SMARCC1: variants seen among roughly 807,000 people sequenced by gnomAD.
SMARCC1 encodes SWI/SNF complex subunit SMARCC1.
A neutral mutation model predicts 147.4 loss-of-function variants in SMARCC1; 43 were observed. The ratio of observed to expected loss-of-function variants is 0.29; its 90% CI spans 0.23 to 0.38. SMARCC1 has a LOEUF of 0.38. Ranked by LOEUF, SMARCC1 falls within the 10% of genes least tolerant of loss-of-function variation. The pLI, the probability that SMARCC1 is intolerant of heterozygous loss-of-function variation, is 1.00. For missense variants in SMARCC1, 1,119 were observed against 1,381.1 expected (o/e 0.81, Z 3.01); for synonymous variants, 495 against 484.4 (o/e 1.02, Z -0.29).
chr3:47,741,286 C>A (rs1466300525), intron 3 of SMARCC1, among the ~76,000 whole-genome samples: 1 of 151,134 alleles, frequency 6.6e-6, no homozygotes, highest in African/African-American at 2.4e-5. Context: ...GTCTGCACTG[C>A]ACCTTGTTTG....
chr3:47,704,556 C>T (rs572432923), intron 10 of SMARCC1, among the ~76,000 whole-genome samples: 11 of 152,110 alleles, frequency 7.2e-5, no homozygotes, highest in African/African-American at 1.2e-4. Flanking sequence ...GTTGACAGTG[C>T]GCTCCCTGCA....
chr3:47,630,029 C>T (rs1323855501), intron 24 of SMARCC1, among the ~76,000 whole-genome samples: 1 of 151,672 alleles, frequency 6.6e-6, no homozygotes, highest in African/African-American at 2.4e-5. Context: ...CACATATTGG[C>T]TTTATAGAGC....
chr3:47,730,416 G>C (rs1466572980), intron 5 of SMARCC1, among the ~76,000 whole-genome samples: 1 of 152,130 alleles, frequency 6.6e-6, no homozygotes, highest in Admixed American at 6.5e-5. Context: ...AAGAGTTCAA[G>C]GTTGCAGTGA....
chr3:47,675,644 A>C (rs1241441022), intron 17 of SMARCC1, 56 bp from the exon 18 acceptor site: 1 of 983,322 alleles, frequency 1.0e-6, no homozygotes, highest in Non-Finnish European at 1.6e-6. Context: ...CAAGAGGGTA[A>C]ATGTTTTTAA....
intron 2 of SMARCC1, among the ~76,000 whole-genome samples, chr3:47,763,964 T>C (rs1312695173): frequency 6.6e-6 from 1 of 151,514 alleles, no homozygotes; most frequent in Non-Finnish European, 1.5e-5. Flanking sequence ...AGGACTCCTC[T>C]AGCCTCAGCC....
chr3:47,753,527 A>G (rs1179081812), intron 2 of SMARCC1, among the ~76,000 whole-genome samples: 3 of 151,734 alleles, frequency 2.0e-5, no homozygotes, highest in Non-Finnish European at 2.9e-5. Context: ...CTGCCTGGCC[A>G]AGGTGAAACC....
rs1388196112 is a variant in SMARCC1 at position 47,706,508 on chromosome 3, CTT to C, written c.939_940del (p.Asp315Ter). On this transcript the variant is annotated frameshift_variant, in exon 10 of 28. Transcript: ENST00000254480. LOFTEE classifies it high-confidence loss of function. ...AGCATTAGCTGATGCTTTTCTATCT[CTT>C]CTTTCTGGACTTCTGACTGGCTAGG... The C allele has an allele frequency of 6.3e-7, 1 of 1,581,992 alleles. No homozygotes were observed. Among genetic ancestry groups the C allele is most frequent in the Non-Finnish European group, 8.6e-7 (1 of 1,167,542 alleles).
chr3:47,772,986 A>T, intron 1 of SMARCC1, 50 bp from the exon 2 acceptor site: 1 of 1,590,868 alleles, frequency 6.3e-7, no homozygotes, highest in Non-Finnish European at 8.6e-7. Flanking sequence ...TTTGCAGGAG[A>T]AAATGTTGGC....
At chr3:47,651,714 A>G (rs2106722555) in intron 21 of SMARCC1, among the ~76,000 whole-genome samples, 1 of 152,324 alleles carries the variant, frequency 6.6e-6, no homozygotes, top group African/African-American at 2.4e-5. Flanking sequence ...ACATCAGCCA[A>G]CATACTCTTC....
chr3:47,622,089 C>G (rs1340616341), intron 25 of SMARCC1, 118 bp downstream of exon 25: 2 of 891,958 alleles, frequency 2.2e-6, no homozygotes, highest in Non-Finnish European at 3.6e-6. Context: ...GAAAAAAGGA[C>G]AGAAGTTAGC....
chr3:47,642,697 G>C (rs779320841), intron 21 of SMARCC1, among the ~76,000 whole-genome samples: 4 of 152,118 alleles, frequency 2.6e-5, no homozygotes, highest in Non-Finnish European at 5.9e-5. Flanking sequence ...GGAAGGACTG[G>C]ATCAAGTGGT....
intron 25 of SMARCC1, among the ~76,000 whole-genome samples, chr3:47,616,286 G>A (rs564336513): frequency 6.6e-6 from 1 of 152,262 alleles, no homozygotes; most frequent in East Asian, 1.9e-4. Context: ...CCCACTGGCA[G>A]CTCAACACCC....
intron 21 of SMARCC1, among the ~76,000 whole-genome samples, chr3:47,656,534 G>C (rs552685012): frequency 3.5e-4 from 54 of 152,292 alleles, no homozygotes; most frequent in African/African-American, 1.0e-3. Flanking sequence ...CAAATCCAAT[G>C]ATGACAATGC....
At chr3:47,742,404 T>C (rs1310658111) in intron 3 of SMARCC1, among the ~76,000 whole-genome samples, 1 of 152,214 alleles carries the variant, frequency 6.6e-6, no homozygotes, top group Non-Finnish European at 1.5e-5. Flanking sequence ...TAATCTCTCC[T>C]TTGGGAGATC....
At chr3:47,773,630 A>T (rs1015889052) in intron 1 of SMARCC1, among the ~76,000 whole-genome samples, 5 of 151,138 alleles carry the variant, frequency 3.3e-5, no homozygotes, top group Admixed American at 6.6e-5. Flanking sequence ...CTCTCAAAAA[A>T]TTTTTTTTCT....
At chr3:47,614,943 C>T (rs11130143) in intron 25 of SMARCC1, among the ~76,000 whole-genome samples, 90,375 of 151,982 alleles carry the variant, frequency 0.59, 28,148 homozygotes, top group East Asian at 0.72. Flanking sequence ...CTCATTTATG[C>T]TCCAGCCCAC....
intron 3 of SMARCC1, among the ~76,000 whole-genome samples, chr3:47,745,140 G>A (rs1393235044): frequency 6.6e-6 from 1 of 152,058 alleles, no homozygotes; most frequent in Non-Finnish European, 1.5e-5. Context: ...TGTGGTGGCA[G>A]GTGCCTGTAA....
chr3:47,745,991 T>C lies in SMARCC1; in HGVS notation c.318A>G (p.Ala106=), dbSNP rs1415733149. The change falls in exon 3 of 28, where the codon GCA becomes GCG. Residue 106 remains alanine, a splice_region_variant and synonymous_variant. Transcript: ENST00000254480. ...CAGCTTTGAAATCCATGAAACACTT[T>C]GCCTAAAAATGATACAAATTACACA... The part of the protein sequence containing the change: ...VTNPAFTKLP[A]KCFMDFKAGG... The C allele has an allele frequency of 6.4e-7, 1 of 1,568,424 alleles. No individual in the cohort carries two copies. Among genetic ancestry groups the C allele is most frequent in the African/African-American group, 1.4e-5 (1 of 72,474 alleles).
chr3:47,723,358 T>A (rs1409270846), intron 6 of SMARCC1, among the ~76,000 whole-genome samples: 2 of 135,692 alleles, frequency 1.5e-5, no homozygotes, highest in Non-Finnish European at 3.3e-5. Flanking sequence ...TTGTTGGGTT[T>A]TTTTTTTTTT....
Sources: gnomAD v4.1 joint callset for allele counts (sites outside exome capture counted in the v4.1 genomes callset) on GRCh38, gnomAD v4.1.1 for gene constraint, MANE v1.5 for transcripts, NCBI Gene and HGNC (gene_info 2026-07-23, HGNC 2026-07-21) for gene names.